Variants in LCORL observed in about 807,000 individuals in gnomAD.
LCORL encodes the protein ligand dependent nuclear receptor corepressor like.
Under a neutral mutation model 141.8 loss-of-function variants are expected in LCORL, and 41 were observed. The ratio of observed to expected loss-of-function variants is 0.29; its 90% CI spans 0.23 to 0.38. The LOEUF (loss-of-function observed/expected upper bound fraction) is 0.38. Among genes scored for constraint, LCORL ranks in the 10% least tolerant of loss-of-function variants. LCORL has a pLI of 1.00. For missense variants in LCORL, 1,759 were observed against 2,035.0 expected, an observed-to-expected ratio of 0.86 and a Z score of 2.61; for synonymous variants, 618 against 694.1, an observed-to-expected ratio of 0.89 and a Z score of 1.72.
At chr4:17,871,619 A>G (rs1021631050) in intron 7 of LCORL, among the ~76,000 whole-genome samples, 3 of 152,044 alleles carry the variant, frequency 2.0e-5, no homozygotes, top group Admixed American at 1.3e-4. Context: ...ACAGCATGAT[A>G]TGAGGATGAT....
chr4:17,907,962 T>C (rs906417996), intron 5 of LCORL, among the ~76,000 whole-genome samples: 1 of 152,216 alleles, frequency 6.6e-6, no homozygotes, highest in African/African-American at 2.4e-5. Flanking sequence ...TATTCCCATA[T>C]TTCAGCCCCT....
At chr4:18,008,100 CAA>C (rs1360836585) in intron 1 of LCORL, among the ~76,000 whole-genome samples, 1 of 152,128 alleles carries the variant, frequency 6.6e-6, no homozygotes, top group Non-Finnish European at 1.5e-5. Context: ...GAGGAAAGTT[CAA>C]AAGAGATGGA....
At chr4:17,981,730 A>G (rs1042771611) in intron 1 of LCORL, among the ~76,000 whole-genome samples, 2 of 152,124 alleles carry the variant, frequency 1.3e-5, no homozygotes, top group Admixed American at 6.6e-5. Context: ...ATGACAGGCT[A>G]GAGTCATCCA....
At chr4:17,858,430 A>AT (rs1016327792) in intron 7 of LCORL, among the ~76,000 whole-genome samples, 3 of 152,096 alleles carry the variant, frequency 2.0e-5, no homozygotes, top group African/African-American at 7.2e-5. Context: ...ACAGAAATAC[A>AT]TTTAAAGAAA....
chr4:17,914,582 T>C (rs1733093883), intron 4 of LCORL, among the ~76,000 whole-genome samples: 1 of 152,204 alleles, frequency 6.6e-6, no homozygotes, highest in Non-Finnish European at 1.5e-5. Flanking sequence ...AAGAGAATGC[T>C]TCTCAGCTGC....
At chr4:17,886,358 G>A (rs1281154555) in intron 5 of LCORL, among the ~76,000 whole-genome samples, 197 bp from the exon 6 acceptor site, 1 of 152,032 alleles carries the variant, frequency 6.6e-6, no homozygotes, top group Non-Finnish European at 1.5e-5. Context: ...CAGAGGAGGA[G>A]CTGGCATTGC....
At chr4:18,000,170 T>A (rs1721704624) in intron 1 of LCORL, among the ~76,000 whole-genome samples, 1 of 145,898 alleles carries the variant, frequency 6.9e-6, no homozygotes. Context: ...GTATTAAAAA[T>A]TCATTCACTC....
intron 4 of LCORL, chr4:17,960,302 C>T (rs1231679909): frequency 6.5e-6 from 1 of 154,264 alleles, no homozygotes; most frequent in Non-Finnish European, 1.5e-5. Flanking sequence ...GACCCAGATG[C>T]TTGAATCAGC....
At chr4:18,000,250 G>A (rs535848530) in intron 1 of LCORL, among the ~76,000 whole-genome samples, 1 of 150,248 alleles carries the variant, frequency 6.7e-6, no homozygotes, top group South Asian at 2.1e-4. Flanking sequence ...ACACTTCTTT[G>A]TGGACACACA....
chr4:17,963,043 TCA>T lies in LCORL; in HGVS notation c.225_226del (p.Cys75Ter), dbSNP rs1714155336. 6.3e-7 allele frequency: 1 copy of T among 1,582,294 alleles called. No individual in the cohort carries two copies. The highest frequency in any genetic ancestry group is 1.4e-5 in the African/African-American group (1 of 73,782). ...AGACCAGTCAGTCAGCTCTTCTGGT[TCA>T]CAGTCTTTAAAAGAGGGAAAAAATT... is the stretch of plus-strand genomic sequence containing the variant. On this transcript the variant is annotated stop_gained and frameshift_variant, in exon 3 of 8. Coordinates refer to ENST00000635767, the Ensembl canonical transcript of LCORL. LOFTEE classifies it high-confidence loss of function.
In LCORL at chr4:18,013,815, G is replaced by A. The variant is rs1432812288; in HGVS notation, c.154+7783C>T. 2.4e-5 allele frequency among the ~76,000 whole-genome samples: 3 copies of A among 124,918 alleles called. No individual in the cohort carries two copies. In the East Asian group the frequency reaches 6.2e-4, roughly 26 times the overall value. The allele number at this position is 124,918 out of a possible 152,430, so 82.0% of individuals were successfully genotyped here. On this transcript the variant is annotated intron_variant, in intron 1 of 7. Transcript: ENST00000635767. ...TTAGAAAAGCCTCTAGGTTGCAGTT[G>A]AATTTTTTTTTTTTTCGGAGTCTTG...
At chr4:17,944,411 C>A (rs1162992767) in intron 4 of LCORL, among the ~76,000 whole-genome samples, 2 of 152,038 alleles carry the variant, frequency 1.3e-5, no homozygotes, top group African/African-American at 4.8e-5. Flanking sequence ...TTTATTTATT[C>A]ACTTATATCA....
intron 1 of LCORL, among the ~76,000 whole-genome samples, chr4:18,009,816 C>T (rs1723404961): frequency 6.6e-6 from 1 of 152,022 alleles, no homozygotes; most frequent in Admixed American, 6.5e-5. Context: ...TGGAGAGGTG[C>T]TCCTTACCCT....
At chr4:17,954,946 A>G (rs1712293911) in intron 4 of LCORL, among the ~76,000 whole-genome samples, 1 of 152,212 alleles carries the variant, frequency 6.6e-6, no homozygotes, top group Admixed American at 6.5e-5. Flanking sequence ...CTAGGCAGTT[A>G]AATATATGAG....
chr4:17,920,269 C>T (rs1734077537), intron 4 of LCORL, among the ~76,000 whole-genome samples: 4 of 152,122 alleles, frequency 2.6e-5, no homozygotes, highest in Non-Finnish European at 5.9e-5. Flanking sequence ...ACCATCCAGG[C>T]CTCTGGTCAC....
intron 4 of LCORL, among the ~76,000 whole-genome samples, chr4:17,937,050 A>G (rs756842168): frequency 6.6e-6 from 1 of 152,216 alleles, no homozygotes. Flanking sequence ...AAAAATTTAT[A>G]AAATCACATA....
chr4:17,874,045 G>A (rs1404782247), exon 7 of LCORL: 2 of 1,233,840 alleles, frequency 1.6e-6, no homozygotes, highest in African/African-American at 3.1e-5. Flanking sequence ...CCTTGGAGTG[G>A]GATGTCAGCA....
chr4:17,871,726 A>G (rs1346588471), intron 7 of LCORL, among the ~76,000 whole-genome samples: 1 of 151,990 alleles, frequency 6.6e-6, no homozygotes, highest in Non-Finnish European at 1.5e-5. Context: ...ATAATAAAAA[A>G]AAAACCACTA....
intron 1 of LCORL, among the ~76,000 whole-genome samples, chr4:18,008,516 G>A (rs1037034356): frequency 2.6e-5 from 4 of 152,214 alleles, no homozygotes; most frequent in Admixed American, 6.5e-5. Context: ...GTTTGACCTG[G>A]TATAGTGGTT....
Sources: allele counts gnomAD v4.1 joint callset (sites outside exome capture counted in the v4.1 genomes callset), GRCh38; gene constraint gnomAD v4.1.1; transcripts MANE v1.5; gene names NCBI Gene and HGNC (gene_info 2026-07-23, HGNC 2026-07-21).